Variants in SAMMSON observed in about 807,000 individuals in gnomAD.
SAMMSON encodes long intergenic non-protein coding RNA 1212.
chr3:70,164,153 G>A (rs1421993093), intron 4 of SAMMSON, among the ~76,000 whole-genome samples: 2 of 151,926 alleles, frequency 1.3e-5, no homozygotes, highest in Middle Eastern at 3.2e-3. Context: ...TCATTTGAGG[G>A]GGAAACAAGT....
intron 4 of SAMMSON, among the ~76,000 whole-genome samples, chr3:70,082,752 T>G (rs2067271541): frequency 6.6e-6 from 1 of 152,322 alleles, no homozygotes; most frequent in East Asian, 1.9e-4. Context: ...GTCCATGAAA[T>G]GTAGGGAGGA....
chr3:70,397,443 A>G (rs1358978820), intron 2 of SAMMSON, among the ~76,000 whole-genome samples: 1 of 152,144 alleles, frequency 6.6e-6, no homozygotes, highest in South Asian at 2.1e-4. Context: ...AGCTGGGACC[A>G]CAGGCACACG....
At chr3:70,164,697 T>C (rs1034248627) in intron 4 of SAMMSON, among the ~76,000 whole-genome samples, 3 of 152,056 alleles carry the variant, frequency 2.0e-5, no homozygotes, top group Non-Finnish European at 4.4e-5. Context: ...TCTCTGTGGC[T>C]ATACTTCCTC....
chr3:70,279,193 G>A (rs1702056833), intron 6 of SAMMSON, among the ~76,000 whole-genome samples: 1 of 151,454 alleles, frequency 6.6e-6, no homozygotes. Flanking sequence ...CAAGTGCACT[G>A]TGATAAATGC....
intron 6 of SAMMSON, among the ~76,000 whole-genome samples, chr3:70,279,367 T>C (rs1038741403): frequency 6.6e-6 from 1 of 152,102 alleles, no homozygotes; most frequent in Admixed American, 6.5e-5. Context: ...TCGATTCCAA[T>C]GGTCATTTGA....
Position 70,076,308 on chromosome 3 carries a change from A to G in SAMMSON, n.507+4743A>G, listed in dbSNP as rs932151321. On this transcript the variant is annotated intron_variant and non_coding_transcript_variant, in intron 4 of 9. Transcript: ENST00000642114. ...TCTTTCTGTCTTTATTTGAAACAAAAGGTAAATCCTATGTTCAAAACTCCT... is the reference window on the plus strand; with the variant it reads ...TCTTTCTGTCTTTATTTGAAACAAAGGGTAAATCCTATGTTCAAAACTCCT... Among the ~76,000 whole-genome samples the G allele has an allele frequency of 3.9e-5, 6 of 152,198 alleles. No individual in the cohort carries two copies. In the South Asian group the frequency reaches 1.2e-3, roughly 32 times the overall value.
At chr3:70,288,637 C>T (rs1207009353) in intron 6 of SAMMSON, among the ~76,000 whole-genome samples, 1 of 151,646 alleles carries the variant, frequency 6.6e-6, no homozygotes, top group Non-Finnish European at 1.5e-5. Flanking sequence ...TCTCGTTGAT[C>T]CGTCTAATGT....
At chr3:70,269,951 A>G (rs1027673553) in intron 6 of SAMMSON, among the ~76,000 whole-genome samples, 2 of 152,208 alleles carry the variant, frequency 1.3e-5, no homozygotes, top group Non-Finnish European at 1.5e-5. Flanking sequence ...AAATGTGAAA[A>G]AGAAAATGAT....
chr3:70,263,679 A>G (rs548932180), intron 6 of SAMMSON, among the ~76,000 whole-genome samples: 2 of 152,350 alleles, frequency 1.3e-5, no homozygotes, highest in South Asian at 2.1e-4. Context: ...TAAAATATTT[A>G]TCTACCGAGC....
Position 70,229,252 on chromosome 3 carries a change from G to A in SAMMSON, n.508-19855G>A, listed in dbSNP as rs911894854. 5.3e-5 allele frequency among the ~76,000 whole-genome samples: 8 copies of A among 152,158 alleles called. No individual in the cohort carries two copies. The East Asian group carries it at 1.5e-3, about 29-fold the overall frequency. ...GAAGCAAGAGAAAATTCCAGAGATA[G>A]CCAAGGAGGGTGAGTGTGTGAAAGA... On this transcript the variant is annotated intron_variant and non_coding_transcript_variant, in intron 4 of 9. Transcript: ENST00000642114.
chr3:70,104,678 A>G (rs1413877371), intron 4 of SAMMSON, among the ~76,000 whole-genome samples: 3 of 152,180 alleles, frequency 2.0e-5, no homozygotes, highest in Non-Finnish European at 4.4e-5. Flanking sequence ...CAAAACTGTC[A>G]TAAGTTTTTA....
intron 4 of SAMMSON, among the ~76,000 whole-genome samples, chr3:70,201,231 C>T (rs1377934391): frequency 2.6e-5 from 4 of 152,052 alleles, no homozygotes; most frequent in East Asian, 1.9e-4. Flanking sequence ...CATTGTGTGT[C>T]GTTCCCCTCT....
At chr3:70,425,926 C>T (rs1413664041) in intron 2 of SAMMSON, among the ~76,000 whole-genome samples, 1 of 152,078 alleles carries the variant, frequency 6.6e-6, no homozygotes, top group African/African-American at 2.4e-5. Flanking sequence ...ATCTTTTTAC[C>T]ATCTGCAGCC....
At chr3:70,087,890 A>T (rs190151069) in intron 4 of SAMMSON, among the ~76,000 whole-genome samples, 5 of 152,142 alleles carry the variant, frequency 3.3e-5, no homozygotes, top group Non-Finnish European at 7.3e-5. Context: ...TGTTTAAGGG[A>T]TGTATGGATG....
chr3:70,061,799 T>C (rs890663580), intron 3 of SAMMSON, among the ~76,000 whole-genome samples: 1 of 152,172 alleles, frequency 6.6e-6, no homozygotes, highest in Non-Finnish European at 1.5e-5. Context: ...CTGGTTACCC[T>C]CTCAGGGTTT....
At chr3:69,999,961 C>G (rs143121188) in intron 1 of SAMMSON, 2 of 152,344 alleles carry the variant, frequency 1.3e-5, no homozygotes, top group African/African-American at 4.8e-5. Flanking sequence ...CCCCCATCAC[C>G]GGAGAGCTAC....
rs78189562 is a variant in SAMMSON, at chr3:70,221,393, C to T, written n.508-27714C>T. Among the ~76,000 whole-genome samples the T allele has an allele frequency of 1.9e-3, 284 of 152,136 alleles. 2 individuals carry two copies. The East Asian group carries it at 0.019, about 10-fold the overall frequency. ...GAGAATACATCTTAGAGAAGAAGGGCGCTGTGCCTTATTCATTGCTTTTTT... is the reference window on the plus strand; with the variant it reads ...GAGAATACATCTTAGAGAAGAAGGGTGCTGTGCCTTATTCATTGCTTTTTT... On this transcript the variant is annotated intron_variant and non_coding_transcript_variant, in intron 4 of 9. Coordinates refer to ENST00000642114, the Ensembl canonical transcript of SAMMSON.
chr3:70,157,722 T>A (rs538577719), intron 4 of SAMMSON, among the ~76,000 whole-genome samples: 2 of 152,142 alleles, frequency 1.3e-5, no homozygotes, highest in Non-Finnish European at 2.9e-5. Context: ...AGTAAGGATT[T>A]ACTCTACGCC....
intron 4 of SAMMSON, among the ~76,000 whole-genome samples, chr3:70,098,358 TC>T (rs1362509894): frequency 5.3e-5 from 8 of 152,050 alleles, no homozygotes; most frequent in Non-Finnish European, 8.8e-5. Context: ...GAGTGAGCTC[TC>T]TTTTTCTTTT....
Sources: gnomAD v4.1 joint callset for allele counts (sites outside exome capture counted in the v4.1 genomes callset) on GRCh38, gnomAD v4.1.1 for gene constraint, MANE v1.5 for transcripts, NCBI Gene and HGNC (gene_info 2026-07-23, HGNC 2026-07-21) for gene names.